RHCE: variants seen among roughly 807,000 people sequenced by gnomAD.
The protein encoded by RHCE is blood group Rh(CE) polypeptide.
In RHCE, 22 loss-of-function variants were observed where a neutral mutation model predicts 43.8. That is an observed-to-expected ratio of 0.50 (90% CI 0.36 to 0.72). The LOEUF is 0.72. Among genes scored for constraint, RHCE ranks in the 30% least tolerant of loss-of-function variants. RHCE has a pLI of 0.00. For synonymous variants in RHCE, 156 were observed against 210.7 expected (o/e 0.74, Z 2.25); for missense variants, 385 against 525.4 (o/e 0.73, Z 2.61).
chr1:25,420,655 G>A lies in RHCE; in HGVS notation c.132C>T (p.Leu44=), dbSNP rs768223782. The A allele has an allele frequency of 5.6e-6, 9 of 1,613,682 alleles. No homozygotes were observed. The highest frequency in any genetic ancestry group is 4.0e-5 in the African/African-American group (3 of 74,842). ...YDASLEDQKG[L]VASYQVGQDL... ...AACTCTCACCTTGATAGGATGCCAC[G>A]AGCCCCTTTTGATCCTCTAAGGAAG... The change falls in exon 1 of 10, where the codon CTC becomes CTT. Residue 44 remains leucine, a synonymous_variant. Coordinates refer to ENST00000294413, the MANE Select transcript of RHCE (RefSeq NM_020485.8).
intron 3 of RHCE, among the ~76,000 whole-genome samples, chr1:25,392,767 C>T (rs1412475137): frequency 3.3e-5 from 5 of 151,676 alleles, no homozygotes; most frequent in East Asian, 1.9e-4. Context: ...GATGGAATCT[C>T]ACTATGTTGC....
chr1:25,376,190 C>T (rs1301071383), intron 7 of RHCE, among the ~76,000 whole-genome samples: 1 of 152,078 alleles, frequency 6.6e-6, no homozygotes, highest in Non-Finnish European at 1.5e-5. Flanking sequence ...ATCTCCCCTG[C>T]CCATCCCTAC....
At chr1:25,395,643 G>A (rs922370787) in intron 3 of RHCE, among the ~76,000 whole-genome samples, 1 of 152,050 alleles carries the variant, frequency 6.6e-6, no homozygotes, top group Non-Finnish European at 1.5e-5. Context: ...GAATCAGGGA[G>A]TTCTCATTAA....
chr1:25,402,175 CCTGTCTGTCTGT>C (rs74426100), intron 3 of RHCE, among the ~76,000 whole-genome samples: 2 of 145,180 alleles, frequency 1.4e-5, no homozygotes, highest in African/African-American at 5.2e-5. Context: ...CTGTACCCAG[CCTGTCTGTCTGT>C]CTGTCTGTCT....
In RHCE at chr1:25,420,701, T is replaced by C. The variant is rs1348679499; in HGVS notation, c.86A>G (p.Tyr29Cys). 2 of 1,613,018 alleles carry C rather than the reference T, an allele frequency of 1.2e-6. No individual in the cohort carries two copies. Among genetic ancestry groups the C allele is most frequent in the Non-Finnish European group, 1.7e-6 (2 of 1,179,664 alleles). The stretch of plus-strand genomic sequence containing the variant: ...GGAAGCGTCATAGTGGGTAAAAAAA[T>C]AGAAGAGGAGAATGAGAGCTGCTTC... Reference protein sequence around the residue: ...TLEAALILLFYFFTHYDASLE... With the variant: ...TLEAALILLFCFFTHYDASLE... Residue 29 changes from tyrosine to cysteine, a missense_variant, in exon 1 of 10, where the codon TAT (tyrosine) becomes TGT (cysteine). By Grantham distance (194) the Tyr-to-Cys change is radical. Coordinates refer to ENST00000294413, the MANE Select transcript of RHCE (RefSeq NM_020485.8).
chr1:25,391,951 G>A, intron 4 of RHCE, 43 bp downstream of exon 4: 1 of 1,612,270 alleles, frequency 6.2e-7, no homozygotes, highest in Non-Finnish European at 8.5e-7. Context: ...GAGCCATTCT[G>A]CTCAGCCCAA....
chr1:25,416,825 G>A (rs1193583031), intron 1 of RHCE, among the ~76,000 whole-genome samples: 1 of 148,614 alleles, frequency 6.7e-6, no homozygotes, highest in East Asian at 1.9e-4. Flanking sequence ...ATGGCGGGGG[G>A]GGGTCTCCCT....
At chr1:25,399,129 G>C in intron 3 of RHCE, 1 of 1,186,674 alleles carries the variant, frequency 8.4e-7, no homozygotes, top group Non-Finnish European at 1.3e-6. Context: ...TTTAACCTTT[G>C]CTGGGCTTTG....
intron 8 of RHCE, among the ~76,000 whole-genome samples, chr1:25,374,096 C>G (rs1645707365): frequency 6.6e-6 from 1 of 151,212 alleles, no homozygotes; most frequent in African/African-American, 2.5e-5. Flanking sequence ...GCTGGGATTA[C>G]AGGCGTGAGC....
chr1:25,400,363 A>G (rs186024764), intron 3 of RHCE, among the ~76,000 whole-genome samples: 291 of 152,074 alleles, frequency 1.9e-3, no homozygotes, highest in African/African-American at 6.6e-3. Context: ...TTGACCTCTC[A>G]GCAGCATTCA....
chr1:25,389,708 T>G (rs1646296970), intron 5 of RHCE, among the ~76,000 whole-genome samples: 1 of 152,172 alleles, frequency 6.6e-6, no homozygotes, highest in South Asian at 2.1e-4. Context: ...AAATCATTGT[T>G]ATTGTTTTTA....
chr1:25,372,141 T>G (rs1284405644), intron 8 of RHCE, among the ~76,000 whole-genome samples: 1 of 151,706 alleles, frequency 6.6e-6, no homozygotes. Flanking sequence ...ACGTGCCATA[T>G]AACGTGGAAA....
intron 7 of RHCE, among the ~76,000 whole-genome samples, chr1:25,383,241 C>T (rs919580116): frequency 5.9e-5 from 9 of 152,226 alleles, no homozygotes; most frequent in African/African-American, 1.9e-4. Flanking sequence ...TCCATCCTGG[C>T]TCTGATCACA....
rs142249439 is a variant in RHCE, at chr1:25,415,905, G to A, written c.148+4734C>T. On this transcript the variant is annotated intron_variant, in intron 1 of 9. Coordinates refer to ENST00000294413, the MANE Select transcript of RHCE (RefSeq NM_020485.8). ...GGGCTTGTGAAAACACAGATTGCTG[G>A]GCCCCAGGCCCAGAGCTTCTGATCA... Among the ~76,000 whole-genome samples, 40 of 151,952 alleles carry A rather than the reference G, an allele frequency of 2.6e-4. No individual in the cohort carries two copies. In the East Asian group the frequency reaches 7.7e-3, roughly 29 times the overall value.
At chr1:25,399,099 G>C (rs1377759185) in intron 3 of RHCE, 22 of 1,583,238 alleles carry the variant, frequency 1.4e-5, no homozygotes, top group Non-Finnish European at 1.6e-5. Context: ...TGCCAAGGCA[G>C]GGCTTTTGGC....
chr1:25,404,210 T>C (rs1646846316), intron 2 of RHCE, among the ~76,000 whole-genome samples: 1 of 147,770 alleles, frequency 6.8e-6, no homozygotes, highest in Admixed American at 6.7e-5. Flanking sequence ...TGTAAAATCG[T>C]GCTAGCTCAC....
intron 1 of RHCE, among the ~76,000 whole-genome samples, chr1:25,417,026 G>A (rs891463017): frequency 2.6e-5 from 4 of 151,472 alleles, no homozygotes; most frequent in Middle Eastern, 3.4e-3. Flanking sequence ...ATTGTCACAT[G>A]AGACCAATCT....
intron 7 of RHCE, among the ~76,000 whole-genome samples, chr1:25,379,478 TATATATATATATA>T (rs1215788816): frequency 6.5e-4 from 6 of 9,252 alleles, no homozygotes; most frequent in South Asian, 5.4e-3. Context: ...TATATATATA[TATATATATATATA>T]TATATTTTTT....
chr1:25,389,428 G>T (rs1182405912), intron 5 of RHCE, among the ~76,000 whole-genome samples: 1 of 152,094 alleles, frequency 6.6e-6, no homozygotes, highest in South Asian at 2.1e-4. Context: ...CCTGGACAGC[G>T]GGAAGAATGG....
Sources: allele counts gnomAD v4.1 joint callset (sites outside exome capture counted in the v4.1 genomes callset), GRCh38; gene constraint gnomAD v4.1.1; transcripts MANE v1.5; gene names NCBI Gene and HGNC (gene_info 2026-07-23, HGNC 2026-07-21).